Variants in ASIC2 observed in about 807,000 individuals in gnomAD.
ASIC2 encodes acid-sensing ion channel 2.
In ASIC2, 25 loss-of-function variants were observed where a neutral mutation model predicts 57.3. The observed-to-expected ratio is 0.44, with a 90% CI of 0.32 to 0.61. ASIC2 has a LOEUF of 0.61. Among genes scored for constraint, ASIC2 ranks in the 20% least tolerant of loss-of-function variants. The pLI, the probability that ASIC2 is intolerant of heterozygous loss-of-function variation, is 0.06. For synonymous variants in ASIC2, 319 were observed against 307.5 expected (o/e 1.04, Z -0.39); for missense variants, 641 against 738.1 (o/e 0.87, Z 1.52).
intron 1 of ASIC2, among the ~76,000 whole-genome samples, chr17:33,401,795 G>C (rs138115333): frequency 6.6e-6 from 1 of 152,266 alleles, no homozygotes; most frequent in East Asian, 1.9e-4. Flanking sequence ...TTAATAAACA[G>C]GACTTGGCAG....
At chr17:33,105,503 A>C (rs1486021520) in intron 2 of ASIC2, among the ~76,000 whole-genome samples, 1 of 152,196 alleles carries the variant, frequency 6.6e-6, no homozygotes, top group Non-Finnish European at 1.5e-5. Flanking sequence ...GCAGTATGAA[A>C]ATGGACTAAT....
At chr17:33,768,285 C>A (rs564718561) in intron 1 of ASIC2, among the ~76,000 whole-genome samples, 33 of 152,142 alleles carry the variant, frequency 2.2e-4, no homozygotes, top group Non-Finnish European at 1.0e-4. Flanking sequence ...GGATCACAGA[C>A]GTGAGCCACC....
intron 1 of ASIC2, among the ~76,000 whole-genome samples, chr17:33,290,071 G>T (rs1905358090): frequency 6.6e-6 from 1 of 152,208 alleles, no homozygotes; most frequent in African/African-American, 2.4e-5. Context: ...TTAAAAGCCA[G>T]CTGAAAATCT....
At chr17:33,161,857 GTTTTTTTTTTTTTT>G (rs199823485) in intron 1 of ASIC2, among the ~76,000 whole-genome samples, 287 of 94,228 alleles carry the variant, frequency 3.0e-3, no homozygotes, top group African/African-American at 7.4e-3. Context: ...GAATTCCTAG[GTTTTTTTTTTTTTT>G]TTTTTTTTTT....
At chr17:33,653,162 G>A (rs994221649) in intron 1 of ASIC2, among the ~76,000 whole-genome samples, 7 of 152,210 alleles carry the variant, frequency 4.6e-5, no homozygotes, top group African/African-American at 1.7e-4. Context: ...GTGATTTCCA[G>A]GGTAAAGGAA....
At chr17:33,643,882 A>C (rs1230859744) in intron 1 of ASIC2, among the ~76,000 whole-genome samples, 2 of 152,188 alleles carry the variant, frequency 1.3e-5, no homozygotes, top group Non-Finnish European at 2.9e-5. Flanking sequence ...AGTAGGTGTT[A>C]TTATTAAAAG....
At chr17:33,115,560 C>A (rs941418913) in intron 1 of ASIC2, among the ~76,000 whole-genome samples, 2 of 152,182 alleles carry the variant, frequency 1.3e-5, no homozygotes, top group Non-Finnish European at 2.9e-5. Context: ...CTAGAGTGTT[C>A]TCTGCCTAGA....
intron 1 of ASIC2, among the ~76,000 whole-genome samples, chr17:33,408,062 T>G (rs1910529507): frequency 1.3e-5 from 2 of 152,240 alleles, no homozygotes; most frequent in African/African-American, 4.8e-5. Context: ...GTGTGCCACA[T>G]GTACCCGACA....
At chr17:33,266,630 C>T (rs1162257295) in intron 1 of ASIC2, among the ~76,000 whole-genome samples, 1 of 147,558 alleles carries the variant, frequency 6.8e-6, no homozygotes, top group East Asian at 2.0e-4. Flanking sequence ...AGTCCCCCAT[C>T]CGCACAACCG....
intron 1 of ASIC2, among the ~76,000 whole-genome samples, chr17:33,140,899 A>T (rs1290105111): frequency 6.6e-6 from 1 of 152,268 alleles, no homozygotes; most frequent in Non-Finnish European, 1.5e-5. Context: ...TCCGGGCCAC[A>T]AGGCAGAACC....
chr17:33,070,341 C>CTT lies in ASIC2; in HGVS notation c.987+18520_987+18521dup, dbSNP rs56177718. Among the ~76,000 whole-genome samples, 683 of 143,106 alleles carry CTT rather than the reference C, an allele frequency of 4.8e-3. 13 individuals carry two copies. Among genetic ancestry groups the CTT allele is most frequent in the African/African-American group, 9.5e-3 (368 of 38,810 alleles). 93.9% of individuals were successfully genotyped at this position (143,106 alleles called of 152,430 possible). A position where few individuals can be genotyped will look rare whatever the true frequency, so the allele number is the denominator to read the frequency against. On this transcript the variant is annotated intron_variant, in intron 3 of 9. Coordinates refer to ENST00000225823, the MANE Select transcript of ASIC2 (RefSeq NM_183377.2). Reference sequence around the variant, plus strand: ...AAAGTAACCACAGTTTTCGCCATTACTTTTTTTTTTTTTTTGAGACAGAGT... The same window carrying CTT: ...AAAGTAACCACAGTTTTCGCCATTACTTTTTTTTTTTTTTTTTGAGACAGAGT...
At chr17:33,592,065 T>A (rs1904843668) in intron 1 of ASIC2, among the ~76,000 whole-genome samples, 1 of 152,154 alleles carries the variant, frequency 6.6e-6, no homozygotes, top group East Asian at 1.9e-4. Flanking sequence ...CAAACCATCA[T>A]CCCACAAGTG....
intron 1 of ASIC2, among the ~76,000 whole-genome samples, chr17:33,979,046 C>T (rs1166628588): frequency 6.6e-6 from 1 of 151,998 alleles, no homozygotes; most frequent in African/African-American, 2.4e-5. Flanking sequence ...GGCAGTCAAC[C>T]CCCAGCTGGT....
intron 1 of ASIC2, among the ~76,000 whole-genome samples, chr17:33,768,468 T>C (rs1297924182): frequency 6.6e-6 from 1 of 152,142 alleles, no homozygotes; most frequent in East Asian, 1.9e-4. Context: ...AGCATATAAA[T>C]GGGCCTCAAG....
chr17:33,601,912 G>T (rs774588162), intron 1 of ASIC2, among the ~76,000 whole-genome samples: 1 of 152,218 alleles, frequency 6.6e-6, no homozygotes, highest in African/African-American at 2.4e-5. Flanking sequence ...ACCTACTAGA[G>T]ACCAGTTACC....
Position 33,579,679 on chromosome 17 carries a change from A to T in ASIC2, c.556-467612T>A, listed in dbSNP as rs534075037. On this transcript the variant is annotated intron_variant, in intron 1 of 9. Transcript: ENST00000359872. Reference sequence around the variant, plus strand: ...TGGGCTCCTGGTCTGGCAGACTTCTAGAGTGAAGCTACAGACCTTCGCAGC... The same window carrying T: ...TGGGCTCCTGGTCTGGCAGACTTCTTGAGTGAAGCTACAGACCTTCGCAGC... Among the ~76,000 whole-genome samples the T allele has an allele frequency of 3.3e-5, 5 of 152,276 alleles. No individual in the cohort carries two copies. In the South Asian group the frequency reaches 1.0e-3, roughly 32 times the overall value.
chr17:33,634,281 TC>T (rs1419760546), intron 1 of ASIC2, among the ~76,000 whole-genome samples: 1 of 151,972 alleles, frequency 6.6e-6, no homozygotes, highest in Non-Finnish European at 1.5e-5. Flanking sequence ...TAGATCAACC[TC>T]CCCCCTTCAG....
intron 1 of ASIC2, among the ~76,000 whole-genome samples, chr17:33,822,249 G>C (rs8080437): frequency 0.81 from 123,533 of 152,184 alleles, 50,494 homozygotes; most frequent in African/African-American, 0.85. Flanking sequence ...TGCCTCTCAT[G>C]TAGGTACAAA....
chr17:33,629,674 A>G (rs953649505), intron 1 of ASIC2, among the ~76,000 whole-genome samples: 5 of 152,086 alleles, frequency 3.3e-5, no homozygotes, highest in African/African-American at 7.2e-5. Flanking sequence ...CCATGGCCCT[A>G]TAGTGCTATC....
Sources: gnomAD v4.1 joint callset for allele counts (sites outside exome capture counted in the v4.1 genomes callset) on GRCh38, gnomAD v4.1.1 for gene constraint, MANE v1.5 for transcripts, NCBI Gene and HGNC (gene_info 2026-07-23, HGNC 2026-07-21) for gene names.